Variants in ITGA8 observed in about 807,000 individuals in gnomAD.
The protein encoded by ITGA8 is integrin alpha-8.
Under a neutral mutation model 142.3 loss-of-function variants are expected in ITGA8, and 91 were observed. The ratio of observed to expected loss-of-function variants is 0.64; its 90% confidence interval spans 0.54 to 0.76. The LOEUF (loss-of-function observed/expected upper bound fraction) is 0.76, where lower values mean the gene tolerates loss of function less well. ITGA8 is among the 30% of genes least tolerant of loss of function. The pLI is 0.00. For missense variants in ITGA8, 1,406 were observed against 1,327.7 expected, an observed-to-expected ratio of 1.06 and a Z score of -0.92; for synonymous variants, 505 against 485.2, an observed-to-expected ratio of 1.04 and a Z score of -0.54.
chr10:15,587,552 C>T (rs1315321899), intron 22 of ITGA8, among the ~76,000 whole-genome samples: 1 of 152,190 alleles, frequency 6.6e-6, no homozygotes, highest in Non-Finnish European at 1.5e-5. Flanking sequence ...ACTGCATACT[C>T]ACCAGCTAAC....
chr10:15,588,377 A>G (rs1832868640), intron 22 of ITGA8, among the ~76,000 whole-genome samples: 1 of 152,210 alleles, frequency 6.6e-6, no homozygotes, highest in Non-Finnish European at 1.5e-5. Context: ...GACCGAGCTT[A>G]AGGGACTTGT....
intron 24 of ITGA8, among the ~76,000 whole-genome samples, chr10:15,573,607 C>T (rs890828999): frequency 2.0e-5 from 3 of 152,016 alleles, no homozygotes; most frequent in Admixed American, 2.0e-4. Flanking sequence ...AGGCATCTTC[C>T]CTACGTTTGT....
intron 13 of ITGA8, among the ~76,000 whole-genome samples, chr10:15,626,890 T>C (rs1424022130): frequency 6.6e-6 from 1 of 152,186 alleles, no homozygotes; most frequent in Non-Finnish European, 1.5e-5. Flanking sequence ...GTAGGAAATG[T>C]ATCCCTGTTT....
At chr10:15,571,806 G>T (rs983903404) in intron 25 of ITGA8, among the ~76,000 whole-genome samples, 1 of 152,216 alleles carries the variant, frequency 6.6e-6, no homozygotes, top group Non-Finnish European at 1.5e-5. Context: ...ATGGGCTGCA[G>T]CTGGAAGAGC....
chr10:15,599,402 C>A (rs1463550039), intron 20 of ITGA8, among the ~76,000 whole-genome samples: 2 of 152,010 alleles, frequency 1.3e-5, no homozygotes, highest in East Asian at 3.9e-4. Flanking sequence ...ACAAATGAGA[C>A]CCCTTGTCCT....
intron 10 of ITGA8, among the ~76,000 whole-genome samples, chr10:15,658,537 G>C (rs1156600208): frequency 1.3e-5 from 2 of 151,932 alleles, no homozygotes; most frequent in African/African-American, 4.8e-5. Context: ...GCTGGTTCTT[G>C]TTTGAAAGCC....
At chr10:15,613,542 G>C in intron 15 of ITGA8, 118 bp downstream of exon 15, 2 of 758,188 alleles carry the variant, frequency 2.6e-6, no homozygotes, top group Non-Finnish European at 4.5e-6. Flanking sequence ...AGCTTTTTTC[G>C]AGAAATGCAA....
At chr10:15,678,519 T>C (rs1834675038) in intron 5 of ITGA8, among the ~76,000 whole-genome samples, 1 of 152,236 alleles carries the variant, frequency 6.6e-6, no homozygotes, top group African/African-American at 2.4e-5. Context: ...AATAGGCCGC[T>C]ATGTGCATAA....
chr10:15,527,386 C>T (rs1468800545), intron 28 of ITGA8, among the ~76,000 whole-genome samples: 1 of 152,160 alleles, frequency 6.6e-6, no homozygotes, highest in Non-Finnish European at 1.5e-5. Flanking sequence ...TGGAATTACA[C>T]AAGACACTCC....
intron 25 of ITGA8, among the ~76,000 whole-genome samples, chr10:15,561,993 T>G (rs1564352628): frequency 6.6e-6 from 1 of 152,140 alleles, no homozygotes; most frequent in East Asian, 1.9e-4. Context: ...CAGACACTTA[T>G]AAAAACATCA....
At chr10:15,601,017 A>G (rs2131604581) in intron 20 of ITGA8, among the ~76,000 whole-genome samples, 1 of 152,226 alleles carries the variant, frequency 6.6e-6, no homozygotes, top group East Asian at 1.9e-4. Context: ...AGGCTGGGGG[A>G]TCACTTGAGG....
At chr10:15,630,315 T>C (rs1833661760) in intron 13 of ITGA8, among the ~76,000 whole-genome samples, 1 of 152,076 alleles carries the variant, frequency 6.6e-6, no homozygotes, top group East Asian at 1.9e-4. Flanking sequence ...AGGATGCTGG[T>C]TTATTTATTC....
chr10:15,669,370 C>G (rs1332330715), intron 8 of ITGA8, among the ~76,000 whole-genome samples: 1 of 152,230 alleles, frequency 6.6e-6, no homozygotes, highest in East Asian at 1.9e-4. Flanking sequence ...TCAGCTCCAT[C>G]AGGTCCTTTA....
At chr10:15,589,799 A>G (rs925719741) in intron 22 of ITGA8, among the ~76,000 whole-genome samples, 1 of 134,936 alleles carries the variant, frequency 7.4e-6, no homozygotes, top group Non-Finnish European at 1.5e-5. Context: ...GTCTCACTCT[A>G]TCACCCTGAC....
intron 2 of ITGA8, 40 bp from the exon 3 acceptor site, chr10:15,688,078 G>A (rs752172909): frequency 3.0e-5 from 40 of 1,322,742 alleles, no homozygotes; most frequent in Non-Finnish European, 4.0e-5. Context: ...TTTGTAAAAT[G>A]TGGCAGCCAA....
intron 4 of ITGA8, among the ~76,000 whole-genome samples, chr10:15,683,299 A>G (rs1226197494): frequency 1.2e-4 from 8 of 67,570 alleles, no homozygotes; most frequent in Admixed American, 4.2e-4. Flanking sequence ...CCATCCACCC[A>G]TCCACCCACC....
chr10:15,645,197 T>A (rs531722691), intron 12 of ITGA8, among the ~76,000 whole-genome samples: 1 of 152,138 alleles, frequency 6.6e-6, no homozygotes, highest in South Asian at 2.1e-4. Flanking sequence ...TTCGACACTT[T>A]CTTAACTTTC....
chr10:15,556,413 T>C (rs929065943), intron 26 of ITGA8, among the ~76,000 whole-genome samples: 11 of 152,240 alleles, frequency 7.2e-5, no homozygotes, highest in South Asian at 2.1e-4. Flanking sequence ...CACAAATCAC[T>C]GCATCTTGGA....
chr10:15,553,417 C>A (rs2131562509), intron 26 of ITGA8, among the ~76,000 whole-genome samples: 1 of 151,486 alleles, frequency 6.6e-6, no homozygotes, highest in African/African-American at 2.4e-5. Flanking sequence ...TTTTTCTGTC[C>A]ATTTCCATAG....
Sources: gnomAD v4.1 joint callset for allele counts (sites outside exome capture counted in the v4.1 genomes callset) on GRCh38, gnomAD v4.1.1 for gene constraint, MANE v1.5 for transcripts, NCBI Gene and HGNC (gene_info 2026-07-23, HGNC 2026-07-21) for gene names.